Variants in KPNA7 observed in about 807,000 individuals in gnomAD.
KPNA7 encodes karyopherin subunit alpha 7, also known as importin subunit alpha-8.
Under a neutral mutation model 53.7 loss-of-function variants are expected in KPNA7, and 54 were observed. That is an observed-to-expected ratio of 1.01 (90% CI 0.81 to 1.26). The LOEUF (loss-of-function observed/expected upper bound fraction) is 1.26, where lower values mean the gene tolerates loss of function less well. KPNA7 is among the 50% of genes most tolerant of loss of function. The probability of loss-of-function intolerance (pLI) is 0.00; values close to 1 mark genes in which losing one functional copy is unlikely to be tolerated. For missense variants in KPNA7, 640 were observed against 644.5 expected, an observed-to-expected ratio of 0.99 and a Z score of 0.07; for synonymous variants, 276 against 259.3, an observed-to-expected ratio of 1.06 and a Z score of -0.62.
At chr7:99,153,093 T>C in the KPNA7 span, among the ~76,000 whole-genome samples, 2 of 152,178 alleles carry the variant, frequency 1.3e-5, no homozygotes, top group Non-Finnish European at 2.9e-5. Flanking sequence ...TTGTAGGATG[T>C]TTCATGGAAT....
intron 5 of KPNA7, among the ~76,000 whole-genome samples, chr7:99,194,761 T>C (rs181773118): frequency 3.9e-5 from 6 of 152,190 alleles, no homozygotes; most frequent in Non-Finnish European, 5.9e-5. Flanking sequence ...TGCACCACCA[T>C]GCCTGGCTAA....
At chr7:99,189,448 C>A (rs1789820887) in intron 6 of KPNA7, among the ~76,000 whole-genome samples, 1 of 152,026 alleles carries the variant, frequency 6.6e-6, no homozygotes, top group Non-Finnish European at 1.5e-5. Context: ...AAAGATTCCG[C>A]CCAGAATCAT....
In KPNA7 at chr7:99,193,075, C is replaced by T. The variant is rs895586451; in HGVS notation, c.580G>A (p.Val194Ile). ...AGDGPEFRDN[V>I]ITSNAIPHLL... is the part of the protein sequence containing the mutation. The stretch of plus-strand genomic sequence containing the variant: ...TGTGGGATGGCATTGCTTGTGATGA[C>T]GTTATCTCTGAACTCTGGGCCATCA... Residue 194 changes from valine to isoleucine, a missense_variant, in exon 6 of 11, where the codon GTC becomes ATC. Physicochemically the swap from Val to Ile is conservative, Grantham distance 29 (BLOSUM62 3). Coordinates refer to ENST00000327442, the MANE Select transcript of KPNA7 (RefSeq NM_001145715.3). 8.6e-6 allele frequency: 13 copies of T among 1,507,856 alleles called. No homozygotes were observed. The highest frequency in any genetic ancestry group is 8.8e-6 in the Non-Finnish European group (10 of 1,130,234). 93.4% of individuals were successfully genotyped at this position (1,507,856 alleles called of 1,614,324 possible).
chr7:99,176,891 A>G (rs1424401336), intron 10 of KPNA7, among the ~76,000 whole-genome samples: 1 of 152,130 alleles, frequency 6.6e-6, no homozygotes, highest in African/African-American at 2.4e-5. Context: ...TACAAACAAA[A>G]AAAAATTGGA....
chr7:99,174,291 C>G (rs1285822798), intron 10 of KPNA7, among the ~76,000 whole-genome samples: 1 of 152,178 alleles, frequency 6.6e-6, no homozygotes, highest in African/African-American at 2.4e-5. Flanking sequence ...CTCCCATCAC[C>G]CCCAGATGGG....
chr7:99,177,532 G>A (rs972100604), intron 10 of KPNA7, among the ~76,000 whole-genome samples: 3 of 135,486 alleles, frequency 2.2e-5, no homozygotes, highest in Admixed American at 9.0e-5. Flanking sequence ...CTGAGATGGC[G>A]CCTCTGTCCT....
intron 6 of KPNA7, among the ~76,000 whole-genome samples, chr7:99,190,057 G>C (rs1490866389): frequency 6.6e-6 from 1 of 151,984 alleles, no homozygotes; most frequent in Non-Finnish European, 1.5e-5. Flanking sequence ...AGGAGCTCTC[G>C]GCTGGGCGTG....
chr7:99,178,147 T>C lies in KPNA7; in HGVS notation c.1318-81A>G, dbSNP rs571360081. On this transcript the variant is annotated intron_variant, in intron 9 of 10. Transcript: ENST00000327442. The stretch of plus-strand genomic sequence containing the variant: ...GGACTCTGTCAGCCCTCAAGGGAGC[T>C]GCCCCGAGTGGAAGCAGACCAAAGG... 1.8e-5 allele frequency: 23 copies of C among 1,275,252 alleles called. No homozygotes were observed. In the African/African-American group the frequency reaches 3.3e-4, roughly 18 times the overall value. 79.0% of individuals were successfully genotyped at this position (1,275,252 alleles called of 1,614,324 possible).
At chr7:99,217,013 G>A (rs1791235807) in intron 1 of KPNA7, among the ~76,000 whole-genome samples, 1 of 152,162 alleles carries the variant, frequency 6.6e-6, no homozygotes, top group South Asian at 2.1e-4. Context: ...TTTCCTGTGA[G>A]CAACTTTCAT....
Position 99,184,971 on chromosome 7 carries a change from A to G in KPNA7, c.1092T>C (p.Leu364=). ...CCAAGGGAGGCAAGACGTCGTAGGC[A>G]AGCAGCTGCTGGATGTGGTGACAAG... The part of the protein sequence containing the change: ...AGPCHHIQQL[L]AYDVLPPLVA... The change falls in exon 8 of 11, where the codon CTT becomes CTC. Residue 364 remains leucine (L), a synonymous_variant. Coordinates refer to ENST00000327442, the MANE Select transcript of KPNA7 (RefSeq NM_001145715.3). 6.4e-7 allele frequency: 1 copy of G among 1,552,092 alleles called. No individual in the cohort carries two copies. Among genetic ancestry groups the G allele is most frequent in the Non-Finnish European group, 8.7e-7 (1 of 1,147,094 alleles).
At chr7:99,211,694 G>T (rs1025077802), upstream of KPNA7, among the ~76,000 whole-genome samples, 4 of 152,162 alleles carry the variant, frequency 2.6e-5, no homozygotes, top group African/African-American at 4.8e-5. Context: ...AGGAGAGCAT[G>T]TCAGCTGAGC....
chr7:99,209,701 A>AAAAAAAAAAG (rs1563091956), upstream of KPNA7, among the ~76,000 whole-genome samples: 7 of 148,378 alleles, frequency 4.7e-5, no homozygotes, highest in African/African-American at 1.7e-4. Context: ...AAAAAAAAAA[A>AAAAAAAAAAG]AAAAAAAAAG....
the KPNA7 span, among the ~76,000 whole-genome samples, chr7:99,159,536 G>A: frequency 1.3e-5 from 2 of 151,950 alleles, no homozygotes; most frequent in Admixed American, 1.3e-4. Context: ...CCTATCACCA[G>A]CCCTGGTAAC....
chr7:99,183,319 G>A (rs1208330679), intron 8 of KPNA7, among the ~76,000 whole-genome samples: 2 of 152,174 alleles, frequency 1.3e-5, no homozygotes, highest in African/African-American at 2.4e-5. Context: ...AGATACAGGA[G>A]GAATTTATCT....
chr7:99,210,235 C>T (rs1454564860), upstream of KPNA7, among the ~76,000 whole-genome samples: 1 of 152,126 alleles, frequency 6.6e-6, no homozygotes, highest in African/African-American at 2.4e-5. Flanking sequence ...GAAGTAGCTG[C>T]TCTGCCCAGG....
downstream of KPNA7, chr7:99,173,558 C>G: frequency 1.8e-6 from 1 of 567,486 alleles, no homozygotes. Flanking sequence ...ATCTGAAGTT[C>G]AGATAGAGAA....
chr7:99,208,552 G>A (rs752946515), upstream of KPNA7, among the ~76,000 whole-genome samples: 9 of 149,988 alleles, frequency 6.0e-5, no homozygotes, highest in East Asian at 2.0e-4. Flanking sequence ...CACCGTGCCC[G>A]GCCACACCTG....
intron 8 of KPNA7, among the ~76,000 whole-genome samples, chr7:99,183,349 G>A (rs1789381584): frequency 6.6e-6 from 1 of 152,040 alleles, no homozygotes; most frequent in Non-Finnish European, 1.5e-5. Flanking sequence ...CTATTCCTGG[G>A]TAGGATTTAT....
chr7:99,210,675 A>G (rs1277693168), upstream of KPNA7, among the ~76,000 whole-genome samples: 1 of 151,932 alleles, frequency 6.6e-6, no homozygotes, highest in Admixed American at 6.6e-5. Context: ...TGCAGCCTCA[A>G]CCTCTTGAGC....
Sources: gnomAD v4.1 joint callset for allele counts (sites outside exome capture counted in the v4.1 genomes callset) on GRCh38, gnomAD v4.1.1 for gene constraint, MANE v1.5 for transcripts, NCBI Gene and HGNC (gene_info 2026-07-23, HGNC 2026-07-21) for gene names.